Variants in LGI1 observed in about 807,000 individuals in gnomAD.
The protein encoded by LGI1 is leucine rich glioma inactivated 1.
LGI1 carries 11 observed loss-of-function variants against 57.7 expected under a neutral mutation model. That is an observed-to-expected ratio of 0.19 (90% CI 0.12 to 0.32). The LOEUF (loss-of-function observed/expected upper bound fraction) is 0.32. LGI1 is among the 10% of genes least tolerant of loss of function. LGI1 has a pLI of 1.00. For synonymous variants in LGI1, 222 were observed against 241.9 expected, an observed-to-expected ratio of 0.92 and a Z score of 0.76; for missense variants, 422 against 661.9, an observed-to-expected ratio of 0.64 and a Z score of 3.98.
intron 4 of LGI1, among the ~76,000 whole-genome samples, chr10:93,788,140 A>G (rs1374681499): frequency 1.3e-5 from 2 of 152,210 alleles, no homozygotes; most frequent in Non-Finnish European, 2.9e-5. Flanking sequence ...TTTAAGCCAC[A>G]TTGTGCCAGA....
chr10:93,790,343 T>C, intron 5 of LGI1, 173 bp downstream of exon 5: 1 of 617,868 alleles, frequency 1.6e-6, no homozygotes, highest in South Asian at 2.1e-5. Flanking sequence ...ATTTGAGTCT[T>C]CTATGGTATT....
chr10:93,770,998 A>G (rs919698944), intron 2 of LGI1: 16 of 152,194 alleles, frequency 1.1e-4, no homozygotes, highest in African/African-American at 3.6e-4. Context: ...ATCCTAAGGA[A>G]ATCAGGAGAA....
At chr10:93,790,011 A>G in intron 4 of LGI1, 88 bp from the exon 5 acceptor site, 1 of 1,293,654 alleles carries the variant, frequency 7.7e-7, no homozygotes, top group Admixed American at 2.1e-5. Context: ...GGAAATGACA[A>G]AAGAGACTCA....
Position 93,790,179 on chromosome 10 carries a change from A to T in LGI1, c.503+9A>T. On this transcript the variant is annotated intron_variant, in intron 5 of 7. Coordinates refer to ENST00000371418, the MANE Select transcript of LGI1 (RefSeq NM_005097.4). The stretch of plus-strand genomic sequence containing the variant: ...GATTCTTTAACAAATGTGTAAGAGG[A>T]CCTAAGAAATCACTGAACAATTAAT... 6.3e-7 allele frequency: 1 copy of T among 1,597,776 alleles called. No individual in the cohort carries two copies. Among genetic ancestry groups the T allele is most frequent in the Non-Finnish European group, 8.6e-7 (1 of 1,168,854 alleles).
intron 4 of LGI1, among the ~76,000 whole-genome samples, chr10:93,783,354 T>A (rs1040620730): frequency 6.6e-6 from 1 of 152,130 alleles, no homozygotes; most frequent in Admixed American, 6.5e-5. Context: ...CCAGCTTGGG[T>A]GACAGAGCGA....
intron 4 of LGI1, among the ~76,000 whole-genome samples, chr10:93,781,702 A>G (rs963179541): frequency 3.3e-5 from 5 of 152,254 alleles, no homozygotes; most frequent in African/African-American, 1.2e-4. Flanking sequence ...TTAGTTTATG[A>G]ATAAAAAATT....
intron 2 of LGI1, among the ~76,000 whole-genome samples, chr10:93,773,507 G>C (rs1226042799): frequency 6.6e-6 from 1 of 152,128 alleles, no homozygotes; most frequent in East Asian, 1.9e-4. Flanking sequence ...ATCCAGGCAG[G>C]AGTCTATGAC....
chr10:93,781,272 T>A (rs1342894524), intron 4 of LGI1, among the ~76,000 whole-genome samples: 2 of 151,914 alleles, frequency 1.3e-5, no homozygotes, highest in African/African-American at 4.8e-5. Context: ...GGCAGGAGAA[T>A]GGCATGAACC....
chr10:93,794,259 C>T (rs990236568), intron 7 of LGI1: 19 of 151,770 alleles, frequency 1.3e-4, no homozygotes, highest in African/African-American at 4.4e-4. Flanking sequence ...CCTCATGATC[C>T]GCCCACCTTG....
chr10:93,797,460 T>C lies in LGI1; in HGVS notation c.1331T>C (p.Val444Ala). Residue 444 changes from valine to alanine, a missense_variant, in exon 8 of 8, where the codon GTG (valine) becomes GCG (alanine). By Grantham distance (64) the Val-to-Ala change is moderately conservative. Transcript: ENST00000371418. This position sits in a 1 kb window ranked among gnomAD's most constrained non-coding sequence, Gnocchi z 6.5. Reference protein sequence around the residue: ...AVKHFSVKGDVYICLTRFIGD... With the variant: ...AVKHFSVKGDAYICLTRFIGD... Reference sequence around the variant, plus strand: ...AAGCACTTCTCAGTGAAAGGGGACGTGTACATTTGCTTGACAAGATTCATT... The same window carrying C: ...AAGCACTTCTCAGTGAAAGGGGACGCGTACATTTGCTTGACAAGATTCATT... 6.2e-7 allele frequency: 1 copy of C among 1,614,192 alleles called. No homozygotes were observed. The highest frequency in any genetic ancestry group is 8.5e-7 in the Non-Finnish European group (1 of 1,180,020).
At position 93,793,173 on chromosome 10, in the gene LGI1, C is replaced by T. The variant is rs2059950689; in HGVS notation, c.674-13C>T. 2 of 1,600,808 alleles carry T rather than the reference C, an allele frequency of 1.2e-6. No individual in the cohort carries two copies. Among genetic ancestry groups the T allele is most frequent in the South Asian group, 2.2e-5 (2 of 90,180 alleles). Reference sequence around the variant, plus strand: ...ATTAGCTCACAGTTACTTATTATTTCCTATTTTTGCAGAATTTGCAAAGTC... The same window carrying T: ...ATTAGCTCACAGTTACTTATTATTTTCTATTTTTGCAGAATTTGCAAAGTC... On this transcript the variant is annotated splice_polypyrimidine_tract_variant and intron_variant, in intron 6 of 7. Coordinates refer to ENST00000371418, the MANE Select transcript of LGI1 (RefSeq NM_005097.4).
In LGI1 at chr10:93,777,592, C is replaced by T. The variant is rs119488099; in HGVS notation, c.406C>T (p.Arg136Trp). ...CAAGTCAATTTCAAGACATACTTTC[C>T]GGGGACTAAAGTCATTAATTCACTT... Reference protein sequence around the residue: ...NIKSISRHTFRGLKSLIHLSL... With the variant: ...NIKSISRHTFWGLKSLIHLSL... Residue 136 changes from arginine to tryptophan, a missense_variant, in exon 4 of 8, where the codon CGG (arginine) becomes TGG (tryptophan). This residue lies in a region of LGI1 where 63 missense variants were observed against 138.4 expected (regional missense o/e 0.46). Transcript: ENST00000371418. 3 of 1,613,020 alleles carry T rather than the reference C, an allele frequency of 1.9e-6. No individual in the cohort carries two copies. The highest frequency in any genetic ancestry group is 2.7e-5 in the African/African-American group (2 of 74,900).
chr10:93,797,585 A>G lies in LGI1; in HGVS notation c.1456A>G (p.Asn486Asp). The G allele has an allele frequency of 6.2e-7, 1 of 1,614,136 alleles. No homozygotes were observed. Among genetic ancestry groups the G allele is most frequent in the Non-Finnish European group, 8.5e-7 (1 of 1,179,992 alleles). ...SMVFQPLQIN[N>D]YQYAILGSDY... ...GGTGTTCCAGCCTCTTCAAATAAAT[A>G]ATTACCAATATGCAATTCTTGGAAG... The change falls in exon 8 of 8, where the codon AAT becomes GAT. Residue 486 changes from asparagine to aspartate, a missense_variant. By Grantham distance (23) the Asn-to-Asp change is conservative. Around this residue, in one of 3 missense-constraint regions of LGI1, gnomAD observed 301 missense variants for 461.7 expected, o/e 0.65. Transcript: ENST00000371418. The surrounding 1 kb of genome is among the most constrained non-coding windows in gnomAD (Gnocchi z 6.5).
chr10:93,779,801 C>T (rs1444509858), intron 4 of LGI1, among the ~76,000 whole-genome samples: 1 of 152,152 alleles, frequency 6.6e-6, no homozygotes, highest in African/African-American at 2.4e-5. Flanking sequence ...TGACTCTTAA[C>T]AGGCAGTGAA....
chr10:93,794,272 C>T (rs2134022757), intron 7 of LGI1: 1 of 151,826 alleles, frequency 6.6e-6, no homozygotes, highest in African/African-American at 2.4e-5. Context: ...CCACCTTGGC[C>T]TCTCAAAGTG....
chr10:93,774,634 A>C (rs1183406524), intron 2 of LGI1, among the ~76,000 whole-genome samples: 3 of 152,096 alleles, frequency 2.0e-5, no homozygotes. Context: ...GGGCCATGGG[A>C]TGCTGGTTGA....
chr10:93,768,156 C>T (rs1285387081), intron 2 of LGI1: 1 of 152,218 alleles, frequency 6.6e-6, no homozygotes, highest in East Asian at 1.9e-4. Flanking sequence ...CCTCTCAACC[C>T]TTTGAAGATC....
At chr10:93,771,019 G>T (rs1354802197) in intron 2 of LGI1, 1 of 151,498 alleles carries the variant, frequency 6.6e-6, no homozygotes, top group Non-Finnish European at 1.5e-5. Context: ...AAGCAATAAA[G>T]AAAAGATAAA....
chr10:93,789,527 G>A (rs924014164), intron 4 of LGI1: 3 of 154,890 alleles, frequency 1.9e-5, no homozygotes, highest in Non-Finnish European at 4.3e-5. Context: ...TGAATCTCTC[G>A]TGTTCTGTTC....
Sources: allele counts gnomAD v4.1 joint callset (sites outside exome capture counted in the v4.1 genomes callset), GRCh38; gene constraint gnomAD v4.1.1; regional missense constraint gnomAD v4.1.1; non-coding constraint Gnocchi (gnomAD v3.1); transcripts MANE v1.5; gene names NCBI Gene and HGNC (gene_info 2026-07-23, HGNC 2026-07-21).